The following SMAD4 variants were observed in gnomAD, a reference collection of about 807,000 sequenced individuals.
SMAD4 encodes SMAD family member 4, also known as MAD homolog 4.
A neutral mutation model predicts 63.2 loss-of-function variants in SMAD4; 7 were observed. The observed-to-expected ratio is 0.11, with a 90% CI of 0.06 to 0.21. SMAD4 has a LOEUF of 0.21. SMAD4 is among the 10% of genes least tolerant of loss of function. The pLI, the probability that SMAD4 is intolerant of heterozygous loss-of-function variation, is 1.00. For missense variants in SMAD4, 312 were observed against 693.8 expected, an observed-to-expected ratio of 0.45 and a Z score of 6.18; for synonymous variants, 215 against 235.4, an observed-to-expected ratio of 0.91 and a Z score of 0.79.
At chr18:51,045,354 A>G (rs963353057) in intron 1 of SMAD4, among the ~76,000 whole-genome samples, 4 of 152,216 alleles carry the variant, frequency 2.6e-5, no homozygotes, top group African/African-American at 7.2e-5. Context: ...TGAAAGCAAG[A>G]TAAGTCTGGA....
At chr18:51,039,278 A>G (rs1183318330) in intron 1 of SMAD4, among the ~76,000 whole-genome samples, 1 of 152,188 alleles carries the variant, frequency 6.6e-6, no homozygotes, top group African/African-American at 2.4e-5. Context: ...GTTTCTGTTC[A>G]GTTATCAGGG....
intron 5 of SMAD4, among the ~76,000 whole-genome samples, chr18:51,057,389 G>A (rs2144424942): frequency 6.6e-6 from 1 of 152,158 alleles, no homozygotes. Flanking sequence ...TAGAATACAA[G>A]CCAAGAGAAG....
intron 1 of SMAD4, among the ~76,000 whole-genome samples, chr18:51,034,284 T>C (rs576698883): frequency 1.6e-4 from 24 of 151,468 alleles, no homozygotes; most frequent in Non-Finnish European, 2.9e-4. Context: ...TTCGCTCTTG[T>C]CACCCAGGCT....
chr18:51,073,326 T>A (rs1193585412), intron 10 of SMAD4, among the ~76,000 whole-genome samples: 3 of 140,564 alleles, frequency 2.1e-5, no homozygotes, highest in African/African-American at 8.0e-5. Flanking sequence ...TCTTGGAGAT[T>A]ATAATTAAGT....
chr18:51,057,300 T>G (rs1342212500), intron 5 of SMAD4, among the ~76,000 whole-genome samples: 2 of 152,106 alleles, frequency 1.3e-5, no homozygotes, highest in East Asian at 3.9e-4. Context: ...TAATGCTCTT[T>G]AAGAAACCAA....
rs533565288 is a variant in SMAD4, at chr18:51,084,010, G to A, written c.*5543G>A. On this transcript the variant is annotated 3_prime_UTR_variant, in exon 12 of 12. Transcript: ENST00000342988. The stretch of plus-strand genomic sequence containing the variant: ...ACTTAACGCGCGTGCGCACGCGCGC[G>A]CGCACACACACACACACACACACAC... 3.6e-3 allele frequency: 219 copies of A among 60,724 alleles called. No homozygotes were observed. Among genetic ancestry groups the A allele is most frequent in the Admixed American group, 0.014 (43 of 3,038 alleles). 3.8% of individuals were successfully genotyped at this position (60,724 alleles called of 1,614,324 possible).
chr18:51,050,447 C>T (rs930140313), intron 4 of SMAD4, among the ~76,000 whole-genome samples: 3 of 151,758 alleles, frequency 2.0e-5, no homozygotes, highest in African/African-American at 7.3e-5. Context: ...ATCACGAGGT[C>T]AGGAGATCGA....
chr18:51,046,859 T>C (rs1909557516), intron 1 of SMAD4, 61 bp from the exon 2 acceptor site: 9 of 563,178 alleles, frequency 1.6e-5, no homozygotes, highest in Non-Finnish European at 2.8e-5. Flanking sequence ...TTTTCCCAAG[T>C]AGTCAGATCT....
chr18:51,044,957 T>C (rs1374546834), intron 1 of SMAD4: 2 of 152,194 alleles, frequency 1.3e-5, no homozygotes, highest in Non-Finnish European at 2.9e-5. Context: ...CTAAGACATA[T>C]GAAAAACTGC....
At chr18:51,038,031 A>G (rs1413629811) in intron 1 of SMAD4, among the ~76,000 whole-genome samples, 1 of 152,184 alleles carries the variant, frequency 6.6e-6, no homozygotes, top group Non-Finnish European at 1.5e-5. Context: ...ATGCACACCC[A>G]TATTTCTAGC....
At chr18:51,073,255 G>A (rs1301645583) in intron 10 of SMAD4, among the ~76,000 whole-genome samples, 1 of 150,262 alleles carries the variant, frequency 6.7e-6, no homozygotes, top group Non-Finnish European at 1.5e-5. Flanking sequence ...CATATTACTT[G>A]GTTATTTTTT....
chr18:51,039,842 C>T (rs1249375474), intron 1 of SMAD4, among the ~76,000 whole-genome samples: 2 of 152,008 alleles, frequency 1.3e-5, no homozygotes, highest in African/African-American at 4.8e-5. Flanking sequence ...CATAGGTAAA[C>T]AAGAAGCATA....
intron 11 of SMAD4, chr18:51,077,511 A>G (rs1464481091): frequency 3.6e-6 from 1 of 277,390 alleles, no homozygotes; most frequent in Non-Finnish European, 5.5e-6. Context: ...TCATTGTAAT[A>G]TTGATGAATG....
intron 4 of SMAD4, chr18:51,054,010 A>G (rs1185475784): frequency 1.3e-5 from 2 of 152,234 alleles, no homozygotes; most frequent in South Asian, 2.1e-4. Flanking sequence ...TTTTTGTCAT[A>G]CAGCAGAGCT....
At chr18:51,070,463 T>G (rs1910287221) in intron 10 of SMAD4, among the ~76,000 whole-genome samples, 1 of 152,186 alleles carries the variant, frequency 6.6e-6, no homozygotes, top group Non-Finnish European at 1.5e-5. Flanking sequence ...ATCTCATTTG[T>G]GTATATTAAC....
At chr18:51,037,833 G>A (rs926005102) in intron 1 of SMAD4, among the ~76,000 whole-genome samples, 4 of 152,182 alleles carry the variant, frequency 2.6e-5, no homozygotes, top group African/African-American at 9.7e-5. Context: ...AATAAAGTGA[G>A]CTGGCCACTT....
chr18:51,036,351 G>A (rs1277334909), intron 1 of SMAD4, among the ~76,000 whole-genome samples: 1 of 152,172 alleles, frequency 6.6e-6, no homozygotes, highest in African/African-American at 2.4e-5. Flanking sequence ...GATGAATTAA[G>A]GATATTTGTC....
At position 51,079,185 on chromosome 18, in the gene SMAD4, A is replaced by G. The variant is rs1910546078; in HGVS notation, c.*718A>G. ...AAATTACGTTTGTTATTCCTAGTGG[A>G]TGACTGTTGATGAAGTATACTTTTC... is the stretch of plus-strand genomic sequence containing the variant. On this transcript the variant is annotated 3_prime_UTR_variant, in exon 12 of 12. Coordinates refer to ENST00000342988, the MANE Select transcript of SMAD4 (RefSeq NM_005359.6). 4.3e-6 allele frequency: 1 copy of G among 232,806 alleles called. No individual in the cohort carries two copies. Among genetic ancestry groups the G allele is most frequent in the Non-Finnish European group, 8.5e-6 (1 of 117,898 alleles). The allele number at this position is 232,806 out of a possible 1,614,324, so 14.4% of individuals were successfully genotyped here.
intron 1 of SMAD4, among the ~76,000 whole-genome samples, chr18:51,034,512 A>G (rs1009808617): frequency 1.3e-5 from 2 of 152,094 alleles, no homozygotes; most frequent in African/African-American, 2.4e-5. Flanking sequence ...CAGCCTCCCA[A>G]GGTGCTGGGA....
Sources: gnomAD v4.1 joint callset for allele counts (sites outside exome capture counted in the v4.1 genomes callset) on GRCh38, gnomAD v4.1.1 for gene constraint, MANE v1.5 for transcripts, NCBI Gene and HGNC (gene_info 2026-07-23, HGNC 2026-07-21) for gene names.